The following PTPN5 variants were observed in gnomAD, a reference collection of about 807,000 sequenced individuals.
PTPN5 encodes the protein protein tyrosine phosphatase non-receptor type 5.
In PTPN5, 29 loss-of-function variants were observed where a neutral mutation model predicts 73.9. That is an observed-to-expected ratio of 0.39 (90% confidence interval 0.29 to 0.54). The LOEUF (loss-of-function observed/expected upper bound fraction) is 0.54, where lower values mean the gene tolerates loss of function less well. Ranked by LOEUF, PTPN5 falls within the 20% of genes least tolerant of loss-of-function variation. The probability of loss-of-function intolerance (pLI) is 0.65; values close to 1 mark genes in which losing one functional copy is unlikely to be tolerated. For missense variants in PTPN5, 652 were observed against 751.4 expected, an observed-to-expected ratio of 0.87 and a Z score of 1.55; for synonymous variants, 267 against 304.7, an observed-to-expected ratio of 0.88 and a Z score of 1.29.
intron 8 of PTPN5, among the ~76,000 whole-genome samples, chr11:18,738,535 T>C (rs1433462733): frequency 6.6e-6 from 1 of 152,194 alleles, no homozygotes; most frequent in African/African-American, 2.4e-5. Context: ...ATCTGGCCTC[T>C]CTTTACTTCC....
At chr11:18,782,019 G>A (rs1418577604) in intron 1 of PTPN5, among the ~76,000 whole-genome samples, 1 of 152,234 alleles carries the variant, frequency 6.6e-6, no homozygotes, top group Admixed American at 6.5e-5. Context: ...GCAGCTCAGT[G>A]TAGCCACAGA....
chr11:18,757,142 T>C (rs973961904), intron 3 of PTPN5, among the ~76,000 whole-genome samples: 1 of 152,058 alleles, frequency 6.6e-6, no homozygotes, highest in Non-Finnish European at 1.5e-5. Flanking sequence ...TAAGAAACCA[T>C]AAAAAAATGA....
chr11:18,740,852 G>A (rs754948595), intron 7 of PTPN5, 60 bp from the exon 8 acceptor site: 2 of 1,203,854 alleles, frequency 1.7e-6, no homozygotes, highest in Non-Finnish European at 1.1e-6. Flanking sequence ...CATGAGCTGG[G>A]GTCTCCAGGG....
chr11:18,776,404 C>T (rs1045968975), intron 1 of PTPN5, among the ~76,000 whole-genome samples: 3 of 152,054 alleles, frequency 2.0e-5, no homozygotes, highest in African/African-American at 4.8e-5. Flanking sequence ...CTGGGTACTC[C>T]GTCTTCTGTT....
intron 1 of PTPN5, among the ~76,000 whole-genome samples, chr11:18,783,003 G>A (rs1851510547): frequency 6.6e-6 from 1 of 152,252 alleles, no homozygotes; most frequent in Non-Finnish European, 1.5e-5. Flanking sequence ...CTCTGTGGTG[G>A]TGGGAGTATC....
intron 5 of PTPN5, 56 bp downstream of exon 5, chr11:18,743,266 G>A: frequency 6.5e-7 from 1 of 1,531,986 alleles, no homozygotes; most frequent in Non-Finnish European, 9.0e-7. Context: ...GGGAGGGTGG[G>A]ACTAGAGGCC....
chr11:18,744,326 C>T, intron 3 of PTPN5, 127 bp from the exon 4 acceptor site: 2 of 708,058 alleles, frequency 2.8e-6, no homozygotes, highest in African/African-American at 1.9e-5. Flanking sequence ...CCACTTCCAG[C>T]AGTCACCCTC....
Position 18,778,803 on chromosome 11 carries a change from C to T in PTPN5, c.-113-6732G>A, listed in dbSNP as rs115273871. On this transcript the variant is annotated intron_variant, in intron 1 of 14. Coordinates refer to ENST00000358540, the MANE Select transcript of PTPN5 (RefSeq NM_006906.2). ...TTGCACTGCTATAATGAAATTGCTG[C>T]ATTTCTTTATAGCAATGCAAGAACA... is the stretch of plus-strand genomic sequence containing the variant. 9.0e-3 allele frequency among the ~76,000 whole-genome samples: 1,371 copies of T among 152,272 alleles called. 20 individuals are homozygous for T. Among genetic ancestry groups the T allele is most frequent in the African/African-American group, 0.031 (1,284 of 41,554 alleles).
intron 7 of PTPN5, among the ~76,000 whole-genome samples, chr11:18,741,087 C>A (rs1002815574): frequency 2.6e-5 from 4 of 152,164 alleles, no homozygotes; most frequent in Non-Finnish European, 5.9e-5. Context: ...TGGCCTTACC[C>A]TGGACTCTCC....
chr11:18,782,111 A>AT (rs2134357759), intron 1 of PTPN5, among the ~76,000 whole-genome samples: 1 of 152,228 alleles, frequency 6.6e-6, no homozygotes, highest in Non-Finnish European at 1.5e-5. Context: ...CTCACAGGCC[A>AT]TTTTTTCTCA....
rs528333442 is a variant in PTPN5 at position 18,765,850 on chromosome 11, G to A, written c.54C>T (p.Ser18=). The change falls in exon 3 of 15, where the codon TCC becomes TCT. Residue 18 remains serine (S), a synonymous_variant. Coordinates refer to ENST00000358540, the MANE Select transcript of PTPN5 (RefSeq NM_006906.2). ...SERENHAADD[S]EGGALDMCCS... ...AGCACATGTCCAGGGCCCCTCCCTC[G>A]GAGTCATCAGCAGCGTGGTTCTCTC... 191 of 1,582,958 alleles carry A rather than the reference G, an allele frequency of 1.2e-4. No individual in the cohort carries two copies. In the South Asian group the frequency reaches 1.6e-3, roughly 13 times the overall value.
intron 1 of PTPN5, among the ~76,000 whole-genome samples, chr11:18,780,548 T>C (rs1028602103): frequency 3.3e-5 from 5 of 152,068 alleles, no homozygotes; most frequent in Non-Finnish European, 7.4e-5. Context: ...TGTGCTGTGG[T>C]TTCCAGCCCT....
At chr11:18,767,223 C>A (rs1850683606) in intron 2 of PTPN5, among the ~76,000 whole-genome samples, 1 of 152,152 alleles carries the variant, frequency 6.6e-6, no homozygotes, top group Admixed American at 6.5e-5. Flanking sequence ...AGTTTCAGGC[C>A]CAATTCCAGA....
intron 1 of PTPN5, 106 bp from the exon 2 acceptor site, chr11:18,772,177 A>G: frequency 1.9e-6 from 1 of 531,370 alleles, no homozygotes; most frequent in Non-Finnish European, 3.2e-6. Flanking sequence ...TCTGGGAGTC[A>G]CCTTTCTCCT....
intron 3 of PTPN5, among the ~76,000 whole-genome samples, chr11:18,762,255 C>G (rs1484401249): frequency 3.9e-5 from 6 of 152,164 alleles, no homozygotes; most frequent in Admixed American, 3.3e-4. Context: ...AGCCACCAGG[C>G]ATGGCTGGCC....
Position 18,729,545 on chromosome 11 carries a change from GC to G in PTPN5, c.1511del (p.Gly504AlafsTer22). 6.3e-7 allele frequency: 1 copy of G among 1,598,002 alleles called. No homozygotes were observed. The highest frequency in any genetic ancestry group is 8.5e-7 in the Non-Finnish European group (1 of 1,174,896). ...AGCAGATGCTGGTGGCAATGAAGCAGCCGGTCCTCCCAATCCCTGCACTGAG... is the reference window on the plus strand; with the variant it reads ...AGCAGATGCTGGTGGCAATGAAGCAGCGGTCCTCCCAATCCCTGCACTGAG... ...VHCSAGIGRTGCFIATSICCQ... is the reference protein window; with the variant it reads ...VHCSAGIGRTXCFIATSICCQ... On this transcript the variant is annotated frameshift_variant, in exon 14 of 15. Coordinates refer to ENST00000358540, the MANE Select transcript of PTPN5 (RefSeq NM_006906.2). LOFTEE classifies it high-confidence loss of function. This position sits in a 1 kb window ranked among gnomAD's most constrained non-coding sequence, Gnocchi z 5.2.
chr11:18,748,859 G>A (rs1031550731), intron 3 of PTPN5, among the ~76,000 whole-genome samples: 2 of 152,142 alleles, frequency 1.3e-5, no homozygotes, highest in South Asian at 2.1e-4. Flanking sequence ...TGTCAAGCAC[G>A]GGCTAGGCTC....
Position 18,733,099 on chromosome 11 carries a change from C to T in PTPN5, c.1218+136G>A. 7.5e-7 allele frequency: 1 copy of T among 1,331,460 alleles called. No homozygotes were observed. The highest frequency in any genetic ancestry group is 2.3e-5 in the East Asian group (1 of 42,714). 82.5% of individuals were successfully genotyped at this position (1,331,460 alleles called of 1,614,324 possible). ...GGCAAATGACTTAACCTTACCGAGC[C>T]TCACATCTCCTCATCTTGGCAGCGG... On this transcript the variant is annotated intron_variant, in intron 11 of 14. Transcript: ENST00000358540. The surrounding 1 kb of genome is among the most constrained non-coding windows in gnomAD (Gnocchi z 4.3).
At chr11:18,777,323 A>G (rs1296070310) in intron 1 of PTPN5, among the ~76,000 whole-genome samples, 8 of 152,192 alleles carry the variant, frequency 5.3e-5, no homozygotes, top group Admixed American at 5.2e-4. Context: ...AGCAAGGATA[A>G]ATGTGTCTAC....
Sources: allele counts gnomAD v4.1 joint callset (sites outside exome capture counted in the v4.1 genomes callset), GRCh38; gene constraint gnomAD v4.1.1; non-coding constraint Gnocchi (gnomAD v3.1); transcripts MANE v1.5; gene names NCBI Gene and HGNC (gene_info 2026-07-23, HGNC 2026-07-21).